The following GLIS3 variants were observed in gnomAD, a reference collection of about 807,000 sequenced individuals.
The protein encoded by GLIS3 is zinc finger protein GLIS3.
In GLIS3, 53 loss-of-function variants were observed where a neutral mutation model predicts 78.6. The observed-to-expected ratio is 0.67, with a 90% CI of 0.54 to 0.85. The LOEUF is 0.85. Among genes scored for constraint, GLIS3 ranks in the 40% least tolerant of loss-of-function variants. The pLI, the probability that GLIS3 is intolerant of heterozygous loss-of-function variation, is 0.00. For synonymous variants in GLIS3, 684 were observed against 509.9 expected, an observed-to-expected ratio of 1.34 and a Z score of -4.60; for missense variants, 1,703 against 1,231.1, an observed-to-expected ratio of 1.38 and a Z score of -5.74.
At chr9:4,432,638 C>CTTTTTTT in the GLIS3 span, among the ~76,000 whole-genome samples, 1 of 113,536 alleles carries the variant, frequency 8.8e-6, no homozygotes, top group African/African-American at 3.3e-5. Context: ...TTTTTATTTC[C>CTTTTTTT]TTTTTTTTTT....
the GLIS3 span, among the ~76,000 whole-genome samples, chr9:4,445,277 C>A: frequency 6.6e-6 from 1 of 152,130 alleles, no homozygotes; most frequent in Non-Finnish European, 1.5e-5. Context: ...CATTTTTCAT[C>A]ACTGTTTTTA....
intron 9 of GLIS3, among the ~76,000 whole-genome samples, chr9:3,829,768 T>C (rs1045812846): frequency 9.9e-5 from 15 of 152,200 alleles, no homozygotes; most frequent in African/African-American, 3.6e-4. Flanking sequence ...CCCTAGACTC[T>C]CTGAAGAGTC....
chr9:4,195,076 C>CT (rs1273381513), intron 2 of GLIS3, among the ~76,000 whole-genome samples: 2 of 152,268 alleles, frequency 1.3e-5, no homozygotes, highest in African/African-American at 4.8e-5. Flanking sequence ...AGGGCTAGAA[C>CT]TGTGCTCTCC....
At chr9:3,855,672 G>C (rs1261013249) in intron 9 of GLIS3, 2 of 363,446 alleles carry the variant, frequency 5.5e-6, no homozygotes, top group Non-Finnish European at 1.1e-5. Context: ...GCAGAGGCAT[G>C]CTTGGGCACA....
chr9:4,169,078 T>C (rs930664007), intron 2 of GLIS3, among the ~76,000 whole-genome samples: 2 of 152,194 alleles, frequency 1.3e-5, no homozygotes, highest in East Asian at 1.9e-4. Context: ...GGAGAGGTGA[T>C]TGTCCTGTCT....
At chr9:4,383,390 T>C in the GLIS3 span, among the ~76,000 whole-genome samples, 7 of 152,368 alleles carry the variant, frequency 4.6e-5, no homozygotes, top group East Asian at 1.3e-3. Context: ...TATTATTGAC[T>C]TAAATTATTC....
At chr9:4,281,763 C>T (rs1827575522) in intron 2 of GLIS3, among the ~76,000 whole-genome samples, 1 of 152,150 alleles carries the variant, frequency 6.6e-6, no homozygotes, top group Non-Finnish European at 1.5e-5. Flanking sequence ...GAAAATGGAG[C>T]TTCTCAAAGA....
chr9:4,078,556 C>A (rs10974322), intron 4 of GLIS3, among the ~76,000 whole-genome samples: 1 of 152,090 alleles, frequency 6.6e-6, no homozygotes, highest in African/African-American at 2.4e-5. Context: ...TGGTATTTAC[C>A]TAGCTGTCCC....
intron 9 of GLIS3, among the ~76,000 whole-genome samples, chr9:3,852,138 A>G (rs1273411113): frequency 6.6e-6 from 1 of 151,492 alleles, no homozygotes; most frequent in Admixed American, 6.6e-5. Flanking sequence ...TAGTGAGACT[A>G]CGTTCCAAAA....
intron 2 of GLIS3, among the ~76,000 whole-genome samples, chr9:4,256,039 T>G (rs1041754314): frequency 7.2e-5 from 11 of 152,168 alleles, no homozygotes; most frequent in African/African-American, 2.4e-4. Context: ...TAAGTCTATT[T>G]TTTTTTTAAA....
rs369341404 is a variant in GLIS3, at chr9:4,318,633, AT to A, written n.265-8106del. Among the ~76,000 whole-genome samples the A allele has an allele frequency of 2.5e-4, 38 of 152,214 alleles. 1 individual carries two copies. The South Asian group carries it at 7.1e-3, about 28-fold the overall frequency. Reference sequence around the variant, plus strand: ...CAGATGTTCACACAGAGATAAAAAAATATATAAATAAGTAAATAATGGGGAA... The same window carrying A: ...CAGATGTTCACACAGAGATAAAAAAAATATAAATAAGTAAATAATGGGGAA... On this transcript the variant is annotated intron_variant and non_coding_transcript_variant, in intron 2 of 4. Transcript: ENST00000471664.
intron 2 of GLIS3, among the ~76,000 whole-genome samples, chr9:4,335,452 C>G (rs1279927637): frequency 1.3e-5 from 2 of 152,178 alleles, no homozygotes; most frequent in African/African-American, 4.8e-5. Context: ...TAATGCTACT[C>G]CATAAAGGGC....
chr9:4,276,327 G>A (rs1005092563), intron 2 of GLIS3, among the ~76,000 whole-genome samples: 1 of 123,366 alleles, frequency 8.1e-6, no homozygotes, highest in Non-Finnish European at 1.7e-5. Flanking sequence ...GGGAGGGGAG[G>A]GGAGGAGAGG....
chr9:4,162,172 C>T (rs1835532175), intron 2 of GLIS3, among the ~76,000 whole-genome samples: 1 of 152,158 alleles, frequency 6.6e-6, no homozygotes, highest in Non-Finnish European at 1.5e-5. Flanking sequence ...CCCTGTATGT[C>T]TTCTGTGTTC....
At chr9:4,166,352 G>C (rs868692484) in intron 2 of GLIS3, among the ~76,000 whole-genome samples, 1 of 152,146 alleles carries the variant, frequency 6.6e-6, no homozygotes, top group Non-Finnish European at 1.5e-5. Flanking sequence ...CAGCCCAGGA[G>C]ACACTGGCCA....
chr9:4,132,716 G>GC (rs1340525388), intron 2 of GLIS3, among the ~76,000 whole-genome samples: 8 of 152,110 alleles, frequency 5.3e-5, no homozygotes, highest in Admixed American at 4.6e-4. Flanking sequence ...GGTGATCCCT[G>GC]CTCCTAGGCT....
chr9:4,060,510 C>G (rs1168720122), intron 4 of GLIS3, among the ~76,000 whole-genome samples: 1 of 152,142 alleles, frequency 6.6e-6, no homozygotes, highest in Non-Finnish European at 1.5e-5. Flanking sequence ...GTGACTGGGT[C>G]ATGACAGCTC....
At chr9:4,364,980 G>A in the GLIS3 span, among the ~76,000 whole-genome samples, 4 of 151,948 alleles carry the variant, frequency 2.6e-5, no homozygotes, top group South Asian at 8.3e-4. Flanking sequence ...AAACTACACA[G>A]TGATTTTTAT....
chr9:4,352,370 T>C (rs552241335), upstream of GLIS3, among the ~76,000 whole-genome samples: 1 of 152,352 alleles, frequency 6.6e-6, no homozygotes, highest in East Asian at 1.9e-4. Flanking sequence ...CTTGGTCATT[T>C]ATCTCCAAAT....
Sources: gnomAD v4.1 joint callset for allele counts (sites outside exome capture counted in the v4.1 genomes callset) on GRCh38, gnomAD v4.1.1 for gene constraint, MANE v1.5 for transcripts, NCBI Gene and HGNC (gene_info 2026-07-23, HGNC 2026-07-21) for gene names.